The following CACNA2D3 variants were observed in gnomAD, a reference collection of about 807,000 sequenced individuals.
The protein encoded by CACNA2D3 is voltage-dependent calcium channel subunit alpha-2/delta-3.
Under a neutral mutation model 160.6 loss-of-function variants are expected in CACNA2D3, and 60 were observed. The observed-to-expected ratio is 0.37, with a 90% confidence interval of 0.30 to 0.46. The LOEUF (loss-of-function observed/expected upper bound fraction) is 0.46, where lower values mean the gene tolerates loss of function less well. Ranked by LOEUF, CACNA2D3 falls within the 20% of genes least tolerant of loss-of-function variation. The pLI, the probability that CACNA2D3 is intolerant of heterozygous loss-of-function variation, is 1.00. For missense variants in CACNA2D3, 1,205 were observed against 1,365.0 expected (o/e 0.88, Z 1.85); for synonymous variants, 558 against 492.9 (o/e 1.13, Z -1.75).
intron 29 of CACNA2D3, among the ~76,000 whole-genome samples, chr3:54,973,685 A>G (rs1256552526): frequency 6.6e-6 from 1 of 152,148 alleles, no homozygotes; most frequent in Non-Finnish European, 1.5e-5. Flanking sequence ...TTTGAGGACG[A>G]TTTGAATAGC....
At chr3:54,357,848 T>G (rs1698676012) in intron 3 of CACNA2D3, among the ~76,000 whole-genome samples, 1 of 152,214 alleles carries the variant, frequency 6.6e-6, no homozygotes, top group African/African-American at 2.4e-5. Context: ...TCCAACTATA[T>G]GCCATTCTGG....
chr3:54,726,486 G>A (rs1404664437), intron 11 of CACNA2D3, among the ~76,000 whole-genome samples: 1 of 152,164 alleles, frequency 6.6e-6, no homozygotes, highest in Non-Finnish European at 1.5e-5. Context: ...AAGGCTGGAG[G>A]CATCACACTA....
At chr3:54,882,768 G>C (rs1177248758) in intron 21 of CACNA2D3, among the ~76,000 whole-genome samples, 1 of 152,146 alleles carries the variant, frequency 6.6e-6, no homozygotes, top group Non-Finnish European at 1.5e-5. Context: ...GTTCTCTTCT[G>C]TTCTTGGAGA....
At chr3:54,881,290 G>A (rs1340535986) in intron 21 of CACNA2D3, among the ~76,000 whole-genome samples, 2 of 152,114 alleles carry the variant, frequency 1.3e-5, no homozygotes, top group Non-Finnish European at 2.9e-5. Flanking sequence ...ACAGAGATAT[G>A]AGAGCCTTAG....
At chr3:55,064,005 G>A (rs1158119413) in intron 35 of CACNA2D3, among the ~76,000 whole-genome samples, 1 of 152,224 alleles carries the variant, frequency 6.6e-6, no homozygotes, top group Non-Finnish European at 1.5e-5. Context: ...GACTGTTCAT[G>A]ATTTTTTTAT....
At chr3:54,650,670 T>C (rs756816328) in intron 11 of CACNA2D3, among the ~76,000 whole-genome samples, 3 of 152,162 alleles carry the variant, frequency 2.0e-5, no homozygotes, top group Admixed American at 6.5e-5. Flanking sequence ...AGGCCTACTT[T>C]TTGTATTTTT....
At chr3:54,648,403 G>T (rs996670114) in intron 11 of CACNA2D3, among the ~76,000 whole-genome samples, 1 of 152,188 alleles carries the variant, frequency 6.6e-6, no homozygotes, top group Non-Finnish European at 1.5e-5. Context: ...CAGATGGCCC[G>T]TGAAGCCTGA....
chr3:54,400,305 C>T (rs540282573), intron 4 of CACNA2D3, among the ~76,000 whole-genome samples: 10 of 152,002 alleles, frequency 6.6e-5, no homozygotes, highest in Middle Eastern at 3.4e-3. Flanking sequence ...TGTTCCTATT[C>T]GGCCATCTTG....
At chr3:54,122,916 G>A in intron 1 of CACNA2D3, 81 bp downstream of exon 1, 1 of 1,160,894 alleles carries the variant, frequency 8.6e-7, no homozygotes, top group Non-Finnish European at 1.1e-6. Flanking sequence ...GCGCCTGCAG[G>A]TGCGGCTGGG....
intron 3 of CACNA2D3, among the ~76,000 whole-genome samples, chr3:54,344,124 T>G (rs1224627288): frequency 1.3e-5 from 2 of 152,186 alleles, no homozygotes; most frequent in African/African-American, 4.8e-5. Flanking sequence ...AATATTACAG[T>G]CTACTTATTA....
At chr3:55,038,112 T>C (rs1703870435) in intron 35 of CACNA2D3, among the ~76,000 whole-genome samples, 1 of 152,228 alleles carries the variant, frequency 6.6e-6, no homozygotes, top group South Asian at 2.1e-4. Context: ...TTGTGCTGTT[T>C]TATCCAAATA....
At chr3:54,869,069 G>A (rs1193427697) in intron 17 of CACNA2D3, among the ~76,000 whole-genome samples, 3 of 152,222 alleles carry the variant, frequency 2.0e-5, no homozygotes, top group African/African-American at 7.2e-5. Flanking sequence ...TGTGAGTGGT[G>A]TGACACGGCA....
intron 4 of CACNA2D3, among the ~76,000 whole-genome samples, chr3:54,419,141 T>A (rs1699800507): frequency 6.6e-6 from 1 of 152,216 alleles, no homozygotes; most frequent in Non-Finnish European, 1.5e-5. Context: ...TGGGAGTCAC[T>A]TCCGCAGTAG....
chr3:54,756,768 C>T (rs1194077373), intron 12 of CACNA2D3, among the ~76,000 whole-genome samples: 2 of 152,138 alleles, frequency 1.3e-5, no homozygotes, highest in African/African-American at 4.8e-5. Flanking sequence ...GCCATGGAGA[C>T]AGTTCTTAGC....
intron 5 of CACNA2D3, among the ~76,000 whole-genome samples, chr3:54,533,794 AGTGTGTG>A (rs1233170228): frequency 6.7e-6 from 1 of 149,756 alleles, no homozygotes; most frequent in Non-Finnish European, 1.5e-5. Context: ...AATGGAAAAT[AGTGTGTG>A]TGTGTGTGTG....
chr3:54,821,365 G>T (rs1703586579), intron 14 of CACNA2D3, among the ~76,000 whole-genome samples: 1 of 152,140 alleles, frequency 6.6e-6, no homozygotes, highest in African/African-American at 2.4e-5. Flanking sequence ...AGCTTAACTT[G>T]CCTCCTTGAA....
chr3:55,054,234 A>G (rs971123495), intron 35 of CACNA2D3, among the ~76,000 whole-genome samples: 4 of 151,480 alleles, frequency 2.6e-5, no homozygotes, highest in African/African-American at 9.7e-5. Context: ...TTTTTGACTC[A>G]TTTTCTCTTT....
chr3:54,837,727 C>T (rs1276238910), intron 15 of CACNA2D3, among the ~76,000 whole-genome samples: 1 of 152,176 alleles, frequency 6.6e-6, no homozygotes, highest in Non-Finnish European at 1.5e-5. Context: ...CCCCAGCATT[C>T]CTTGGCTTGT....
chr3:54,878,954 C>A, intron 18 of CACNA2D3, 64 bp from the exon 19 acceptor site: 2 of 1,009,994 alleles, frequency 2.0e-6, no homozygotes, highest in Non-Finnish European at 2.9e-6. Context: ...GCTGAGGATG[C>A]AAGATGTCCA....
Sources: gnomAD v4.1 joint callset for allele counts (sites outside exome capture counted in the v4.1 genomes callset) on GRCh38, gnomAD v4.1.1 for gene constraint, MANE v1.5 for transcripts, NCBI Gene and HGNC (gene_info 2026-07-23, HGNC 2026-07-21) for gene names.